SUPT3H: variants seen among roughly 807,000 people sequenced by gnomAD.
SUPT3H encodes SPT3 homolog, SAGA and STAGA complex component.
Under a neutral mutation model 44.3 loss-of-function variants are expected in SUPT3H, and 44 were observed. The observed-to-expected ratio is 0.99, with a 90% CI of 0.78 to 1.28. The LOEUF is 1.28. Among genes scored for constraint, SUPT3H ranks in the 50% most tolerant of loss-of-function variants. The pLI, the probability that SUPT3H is intolerant of heterozygous loss-of-function variation, is 0.00. For missense variants in SUPT3H, 380 were observed against 387.1 expected (o/e 0.98, Z 0.15); for synonymous variants, 124 against 125.6 (o/e 0.99, Z 0.09).
intron 10 of SUPT3H, among the ~76,000 whole-genome samples, chr6:44,833,473 C>CA (rs1769244204): frequency 6.6e-6 from 1 of 152,008 alleles, no homozygotes; most frequent in African/African-American, 2.4e-5. Flanking sequence ...AGGTCATTCT[C>CA]AAAGTGAGAA....
rs1484959984 is a variant in SUPT3H, at chr6:44,827,855, A to AACTT, written c.*1957_*1960dup. Among the ~76,000 whole-genome samples the AACTT allele has an allele frequency of 3.3e-5, 5 of 152,202 alleles. No individual in the cohort carries two copies. Among genetic ancestry groups the AACTT allele is most frequent in the African/African-American group, 1.2e-4 (5 of 41,558 alleles). Reference sequence around the variant, plus strand: ...GATGAAAAATGAAAGGTTTTATATGAACTTACTGGGCAAAACCAGATTTTA... The same window carrying AACTT: ...GATGAAAAATGAAAGGTTTTATATGAACTTACTTACTGGGCAAAACCAGATTTTA... On this transcript the variant is annotated 3_prime_UTR_variant, in exon 11 of 11. Transcript: ENST00000371459.
chr6:44,976,268 T>A (rs1375671065), intron 6 of SUPT3H, among the ~76,000 whole-genome samples: 1 of 152,120 alleles, frequency 6.6e-6, no homozygotes, highest in South Asian at 2.1e-4. Flanking sequence ...AGAATAATCA[T>A]AACAATCAAA....
chr6:45,014,227 G>T (rs1783909657), intron 5 of SUPT3H, among the ~76,000 whole-genome samples: 2 of 151,980 alleles, frequency 1.3e-5, no homozygotes, highest in Non-Finnish European at 2.9e-5. Flanking sequence ...TAAGGGGGAA[G>T]ATTTGAAATG....
chr6:45,284,101 G>C (rs926413301), intron 2 of SUPT3H, among the ~76,000 whole-genome samples: 3 of 152,154 alleles, frequency 2.0e-5, no homozygotes, highest in Non-Finnish European at 4.4e-5. Flanking sequence ...GCAGTGTGTA[G>C]AGGGAAATTT....
chr6:44,854,278 A>G (rs955914611), intron 10 of SUPT3H, among the ~76,000 whole-genome samples: 6 of 152,160 alleles, frequency 3.9e-5, no homozygotes, highest in African/African-American at 1.4e-4. Flanking sequence ...AGCTTTCCCA[A>G]AACAAAATGC....
chr6:45,248,634 C>T (rs568331044), intron 2 of SUPT3H, among the ~76,000 whole-genome samples: 2 of 152,178 alleles, frequency 1.3e-5, no homozygotes, highest in Admixed American at 1.3e-4. Context: ...AACTCTCATA[C>T]ATTGGTCAGG....
chr6:45,206,192 G>GAAT (rs1457813100), intron 2 of SUPT3H, among the ~76,000 whole-genome samples: 1 of 152,086 alleles, frequency 6.6e-6, no homozygotes, highest in African/African-American at 2.4e-5. Context: ...TAGTAAGGAA[G>GAAT]AATAATATAT....
intron 2 of SUPT3H, among the ~76,000 whole-genome samples, chr6:45,245,004 A>G (rs1771085769): frequency 6.6e-6 from 1 of 152,176 alleles, no homozygotes; most frequent in Admixed American, 6.5e-5. Context: ...CATTATTTAC[A>G]AACTCTTCCA....
intron 2 of SUPT3H, 69 bp from the exon 3 acceptor site, chr6:45,106,075 T>G: frequency 8.2e-7 from 1 of 1,225,796 alleles, no homozygotes; most frequent in Admixed American, 1.7e-5. Flanking sequence ...AGTGAAACAT[T>G]TATTACATGA....
intron 2 of SUPT3H, chr6:45,328,652 T>C: frequency 6.2e-7 from 1 of 1,611,006 alleles, no homozygotes. Context: ...GTATGGTTTG[T>C]ATTTTCAGTT....
At chr6:45,355,347 AAAAT>A (rs1196739182) in intron 2 of SUPT3H, among the ~76,000 whole-genome samples, 2 of 152,062 alleles carry the variant, frequency 1.3e-5, no homozygotes, top group Non-Finnish European at 2.9e-5. Context: ...TCCTTTTCAG[AAAAT>A]AATATAAACT....
At chr6:45,367,549 A>G (rs1245606930) in intron 1 of SUPT3H, among the ~76,000 whole-genome samples, 1 of 152,190 alleles carries the variant, frequency 6.6e-6, no homozygotes, top group Non-Finnish European at 1.5e-5. Context: ...AAAATGCGAA[A>G]AAAAGGAGCC....
intron 2 of SUPT3H, among the ~76,000 whole-genome samples, chr6:45,158,298 A>ATATATATATATATATAATTTTTTTT: frequency 1.0e-5 from 1 of 99,694 alleles, no homozygotes; most frequent in South Asian, 3.0e-4. Flanking sequence ...ATATATATAT[A>ATATATATATATATATAATTTTTTTT]TTTTTTTTTT....
intron 10 of SUPT3H, among the ~76,000 whole-genome samples, chr6:44,836,962 AAAT>A (rs1294943760): frequency 6.6e-6 from 1 of 152,202 alleles, no homozygotes; most frequent in African/African-American, 2.4e-5. Context: ...CAAATGTCTC[AAAT>A]TATTCCAAGC....
chr6:45,291,374 T>G (rs924350713), intron 2 of SUPT3H, among the ~76,000 whole-genome samples: 6 of 152,104 alleles, frequency 3.9e-5, no homozygotes, highest in Non-Finnish European at 8.8e-5. Flanking sequence ...ACTCTGGTAA[T>G]ATGACAAAAC....
intron 1 of SUPT3H, among the ~76,000 whole-genome samples, chr6:45,369,870 AG>A (rs1205578960): frequency 2.0e-5 from 3 of 152,184 alleles, no homozygotes; most frequent in African/African-American, 7.2e-5. Flanking sequence ...ATTTAATATA[AG>A]ATCTGGGAGG....
rs779902144 is a variant in SUPT3H at position 44,932,732 on chromosome 6, C to T, written c.833G>A (p.Ser278Asn). 11 of 1,610,286 alleles carry T rather than the reference C, an allele frequency of 6.8e-6. No individual in the cohort carries two copies. In the South Asian group the frequency reaches 1.1e-4, roughly 16 times the overall value. The change falls in exon 10 of 11, where the codon AGC (serine) becomes AAC (asparagine). Residue 278 changes from serine (S) to asparagine (N), a missense_variant. Transcript: ENST00000371459. ...STAACGVEAH[S>N]DAIQPCHIRE... The stretch of plus-strand genomic sequence containing the variant: ...GATGTGGCAGGGCTGGATGGCATCG[C>T]TGTGAGCCTCAACACCACAGGCTGC...
chr6:45,176,005 A>G lies in SUPT3H; in HGVS notation c.102-69999T>C, dbSNP rs931406402. 2.0e-5 allele frequency among the ~76,000 whole-genome samples: 3 copies of G among 152,188 alleles called. No homozygotes were observed. In the East Asian group the frequency reaches 5.8e-4, roughly 29 times the overall value. ...GAATTTATTTTGTATCTCCCAAGCA[A>G]TGACTCAATCTGATTGCTCACCTTG... On this transcript the variant is annotated intron_variant, in intron 2 of 10. Transcript: ENST00000371459.
At chr6:45,128,555 TATACACACACACAC>T (rs1251261360) in intron 2 of SUPT3H, among the ~76,000 whole-genome samples, 13 of 58,278 alleles carry the variant, frequency 2.2e-4, no homozygotes, top group African/African-American at 7.6e-4. Context: ...TATATATATA[TATACACACACACAC>T]ACACACACAC....
Sources: gnomAD v4.1 joint callset for allele counts (sites outside exome capture counted in the v4.1 genomes callset) on GRCh38, gnomAD v4.1.1 for gene constraint, MANE v1.5 for transcripts, NCBI Gene and HGNC (gene_info 2026-07-23, HGNC 2026-07-21) for gene names.